The following MYO18B variants were observed in gnomAD, a reference collection of about 807,000 sequenced individuals.
MYO18B encodes myosin XVIIIB.
In MYO18B, 204 loss-of-function variants were observed where a neutral mutation model predicts 273.0. The ratio of observed to expected loss-of-function variants is 0.75; its 90% CI spans 0.67 to 0.84. MYO18B has a LOEUF of 0.84. Ranked by LOEUF, MYO18B falls within the 40% of genes least tolerant of loss-of-function variation. MYO18B has a pLI of 0.00. For synonymous variants in MYO18B, 1,330 were observed against 1,305.7 expected (o/e 1.02, Z -0.40); for missense variants, 3,212 against 3,287.6 (o/e 0.98, Z 0.56).
intron 42 of MYO18B, among the ~76,000 whole-genome samples, chr22:26,005,686 C>A (rs1934359391): frequency 6.6e-6 from 1 of 152,136 alleles, no homozygotes; most frequent in Non-Finnish European, 1.5e-5. Flanking sequence ...TTTTTGTGAA[C>A]AGAAGGCCCA....
In MYO18B at chr22:25,921,480, C is replaced by T. The variant is rs777677188; in HGVS notation, c.5517+71C>T. ...TACGACCTGCAGAGAATTGCTGTCC[C>T]TCCCAGGTATGAGCGGAACCATGGT... On this transcript the variant is annotated intron_variant, in intron 34 of 43. Transcript: ENST00000335473. 587 of 1,523,796 alleles carry T rather than the reference C, an allele frequency of 3.9e-4. 2 individuals carry two copies. The highest frequency in any genetic ancestry group is 4.9e-4 in the Non-Finnish European group (551 of 1,129,722). The allele number at this position is 1,523,796 out of a possible 1,614,324, so 94.4% of individuals were successfully genotyped here.
chr22:25,882,357 G>GAAA (rs11386513), intron 25 of MYO18B, among the ~76,000 whole-genome samples: 1 of 147,386 alleles, frequency 6.8e-6, no homozygotes, highest in African/African-American at 2.5e-5. Flanking sequence ...CATGTAGATT[G>GAAA]AAAAAAAAAA....
chr22:26,019,694 A>T (rs932355300), intron 42 of MYO18B, among the ~76,000 whole-genome samples: 2 of 152,172 alleles, frequency 1.3e-5, no homozygotes, highest in Non-Finnish European at 2.9e-5. Context: ...AAGAACATCA[A>T]TATGTTTTTA....
At chr22:25,936,517 T>C (rs2092580600) in intron 34 of MYO18B, among the ~76,000 whole-genome samples, 1 of 152,212 alleles carries the variant, frequency 6.6e-6, no homozygotes, top group African/African-American at 2.4e-5. Flanking sequence ...TGTGTGACAT[T>C]GATGAGTTAA....
At chr22:25,895,131 T>A in intron 27 of MYO18B, 25 bp from the exon 28 acceptor site, 1 of 1,609,056 alleles carries the variant, frequency 6.2e-7, no homozygotes, top group Admixed American at 1.7e-5. Context: ...CCTCTTATCC[T>A]GGTCTCCCTG....
rs1346399301 is a variant in MYO18B, at chr22:25,874,011, C to T, written c.3952-275C>T. On this transcript the variant is annotated intron_variant, in intron 22 of 43. Transcript: ENST00000335473. ...GATTTAGCAGGTCTGGAATGGAGTG[C>T]GAGATTTTGCATTTCCAACAAGCAC... Among the ~76,000 whole-genome samples the T allele has an allele frequency of 2.6e-5, 4 of 152,142 alleles. No individual in the cohort carries two copies. The East Asian group carries it at 5.8e-4, about 22-fold the overall frequency.
In MYO18B at chr22:25,843,731, C is replaced by T. The variant is rs41281577; in HGVS notation, c.3209-4C>T. 0.041 allele frequency: 65,722 copies of T among 1,610,378 alleles called. 1,597 individuals are homozygous for T. Among genetic ancestry groups the T allele is most frequent in the Non-Finnish European group, 0.047 (54,779 of 1,177,114 alleles). ...AGCACTCATGCCACCATGTCTGTTTCCAGGGTCCTCTGCCCTGCGGACCTG... is the reference window on the plus strand; with the variant it reads ...AGCACTCATGCCACCATGTCTGTTTTCAGGGTCCTCTGCCCTGCGGACCTG... On this transcript the variant is annotated splice_polypyrimidine_tract_variant and splice_region_variant and intron_variant, in intron 17 of 43. Coordinates refer to ENST00000335473, the MANE Select transcript of MYO18B (RefSeq NM_032608.7).
At chr22:25,771,067 G>C in intron 6 of MYO18B, 83 bp downstream of exon 6, 1 of 983,154 alleles carries the variant, frequency 1.0e-6, no homozygotes, top group Non-Finnish European at 1.5e-6. Flanking sequence ...CCCCAGTCCT[G>C]CAAGAGATTT....
intron 39 of MYO18B, among the ~76,000 whole-genome samples, chr22:25,956,327 T>C (rs1241980943): frequency 6.6e-6 from 1 of 151,926 alleles, no homozygotes; most frequent in Non-Finnish European, 1.5e-5. Context: ...GCGATTCTCG[T>C]GGCTCAGCTT....
In MYO18B at chr22:25,843,807, T is replaced by C. The variant is rs374869117; in HGVS notation, c.3281T>C (p.Val1094Ala). 10 of 1,613,874 alleles carry C rather than the reference T, an allele frequency of 6.2e-6. No individual in the cohort carries two copies. The highest frequency in any genetic ancestry group is 2.2e-5 in the East Asian group (1 of 44,886). Residue 1094 changes from valine to alanine, a missense_variant, in exon 18 of 44, where the codon GTG becomes GCG. Coordinates refer to ENST00000335473, the MANE Select transcript of MYO18B (RefSeq NM_032608.7). ...EIFHQLGWDP[V>A]RYDLTGWLHR... is the part of the protein sequence containing the mutation. ...TTCCACCAGTTGGGATGGGACCCTG[T>C]GCGGTACGACCTCACGGGCTGGCTC...
chr22:26,031,545 T>C (rs1168499233), downstream of MYO18B, among the ~76,000 whole-genome samples: 1 of 152,232 alleles, frequency 6.6e-6, no homozygotes, highest in Non-Finnish European at 1.5e-5. Context: ...TTAACTTGGT[T>C]ACCCTGTAAA....
At chr22:25,822,842 T>G (rs1349086873) in intron 12 of MYO18B, among the ~76,000 whole-genome samples, 1 of 152,228 alleles carries the variant, frequency 6.6e-6, no homozygotes, top group African/African-American at 2.4e-5. Context: ...ACTACATGCA[T>G]CAGCTAACAG....
In MYO18B at chr22:25,850,114, C is replaced by T. The variant is rs190291456; in HGVS notation, c.3776-1356C>T. Among the ~76,000 whole-genome samples the T allele has an allele frequency of 3.3e-5, 5 of 152,332 alleles. No homozygotes were observed. The East Asian group carries it at 7.7e-4, about 24-fold the overall frequency. Reference sequence around the variant, plus strand: ...TTCAAAGCTGGTCTGAGACCCTCCTCTTCCCCAGGAAGTCTTCCAGGATTA... The same window carrying T: ...TTCAAAGCTGGTCTGAGACCCTCCTTTTCCCCAGGAAGTCTTCCAGGATTA... On this transcript the variant is annotated intron_variant, in intron 20 of 43. Transcript: ENST00000335473.
intron 23 of MYO18B, among the ~76,000 whole-genome samples, chr22:25,875,146 C>G (rs1601427964): frequency 6.6e-6 from 1 of 152,190 alleles, no homozygotes; most frequent in East Asian, 1.9e-4. Flanking sequence ...ATATTGTGGG[C>G]AACCCCACTG....
At chr22:25,774,448 A>G (rs528156532) in intron 7 of MYO18B, among the ~76,000 whole-genome samples, 16 of 152,364 alleles carry the variant, frequency 1.1e-4, no homozygotes, top group Non-Finnish European at 2.2e-4. Context: ...ATAGACCCAG[A>G]TAGCAATCAG....
intron 12 of MYO18B, among the ~76,000 whole-genome samples, chr22:25,799,292 C>T (rs182791882): frequency 6.6e-6 from 1 of 152,242 alleles, no homozygotes; most frequent in Admixed American, 6.5e-5. Flanking sequence ...CCTCTGGAGG[C>T]TCTCCCTTGC....
intron 8 of MYO18B, 60 bp downstream of exon 8, chr22:25,777,841 G>C: frequency 6.9e-7 from 1 of 1,452,924 alleles, no homozygotes; most frequent in Non-Finnish European, 9.3e-7. Context: ...GTTGGAAGGG[G>C]ATGCTGAGCT....
chr22:26,042,697 CCTT>C, the MYO18B span, among the ~76,000 whole-genome samples: 1 of 152,218 alleles, frequency 6.6e-6, no homozygotes, highest in African/African-American at 2.4e-5. Context: ...TCATTTCACT[CCTT>C]CTCTCTCCCT....
At chr22:25,760,587 G>A (rs133876) in intron 1 of MYO18B, among the ~76,000 whole-genome samples, 38,492 of 151,904 alleles carry the variant, frequency 0.25, 6,911 homozygotes, top group African/African-American at 0.49. Flanking sequence ...AACCAAAAGC[G>A]AATGGCTCCT....
Sources: gnomAD v4.1 joint callset for allele counts (sites outside exome capture counted in the v4.1 genomes callset) on GRCh38, gnomAD v4.1.1 for gene constraint, MANE v1.5 for transcripts, NCBI Gene and HGNC (gene_info 2026-07-23, HGNC 2026-07-21) for gene names.